Variants in ACOT13 observed in about 807,000 individuals in gnomAD.
ACOT13 encodes the protein acyl-coenzyme A thioesterase 13.
In ACOT13, 10 loss-of-function variants were observed where a neutral mutation model predicts 11.8. The ratio of observed to expected loss-of-function variants is 0.85; its 90% CI spans 0.53 to 1.44. ACOT13 has a LOEUF of 1.44. Ranked by LOEUF, ACOT13 falls within the 40% of genes most tolerant of loss-of-function variation. The pLI is 0.00. For synonymous variants in ACOT13, 53 were observed against 61.0 expected (o/e 0.87, Z 0.61); for missense variants, 172 against 174.1 (o/e 0.99, Z 0.07).
chr6:24,668,388 ATTCT>A (rs1260144146), intron 1 of ACOT13, among the ~76,000 whole-genome samples: 8 of 151,934 alleles, frequency 5.3e-5, no homozygotes, highest in Non-Finnish European at 4.4e-5. Context: ...AGCCTGGCTA[ATTCT>A]TTATTTTTAT....
At chr6:24,697,053 C>T (rs949494198) in intron 1 of ACOT13, among the ~76,000 whole-genome samples, 10 of 152,194 alleles carry the variant, frequency 6.6e-5, no homozygotes, top group African/African-American at 1.4e-4. Context: ...GGATTACAGG[C>T]GTGAGCCACC....
In ACOT13 at chr6:24,690,234, A is replaced by G. The variant is rs760407877; in HGVS notation, c.82-7649A>G. ...CTGGGAACTACCGTACTAGATTCCA[A>G]ACTGAAGCTCAATTGCAAAAATTCT... On this transcript the variant is annotated intron_variant, in intron 1 of 2. Coordinates refer to ENST00000230048, the MANE Select transcript of ACOT13 (RefSeq NM_018473.4). 1.6e-4 allele frequency among the ~76,000 whole-genome samples: 24 copies of G among 152,172 alleles called. 1 individual carries two copies. Among genetic ancestry groups the G allele is most frequent in the East Asian group, 3.8e-4 (2 of 5,198 alleles).
intron 1 of ACOT13, among the ~76,000 whole-genome samples, chr6:24,672,170 C>A (rs1280254056): frequency 6.6e-6 from 1 of 152,146 alleles, no homozygotes; most frequent in Admixed American, 6.5e-5. Flanking sequence ...TAAAATAAAT[C>A]ATTCATTTAA....
At chr6:24,668,553 C>T (rs187795586) in intron 1 of ACOT13, among the ~76,000 whole-genome samples, 3 of 152,330 alleles carry the variant, frequency 2.0e-5, no homozygotes, top group East Asian at 1.9e-4. Context: ...TGAAAGGACA[C>T]TCCTGTGTTT....
intron 1 of ACOT13, among the ~76,000 whole-genome samples, chr6:24,684,539 T>C (rs919145825): frequency 1.2e-4 from 19 of 152,202 alleles, no homozygotes; most frequent in Admixed American, 5.2e-4. Flanking sequence ...AAGACTGATA[T>C]GCCCGTTGAA....
chr6:24,689,694 C>G (rs536093496), intron 1 of ACOT13, among the ~76,000 whole-genome samples: 6 of 152,112 alleles, frequency 3.9e-5, no homozygotes, highest in African/African-American at 1.4e-4. Context: ...AATTGTACTT[C>G]TATGCTGCTT....
chr6:24,681,700 A>G (rs1254921416), intron 1 of ACOT13, among the ~76,000 whole-genome samples: 2 of 151,584 alleles, frequency 1.3e-5, no homozygotes, highest in Non-Finnish European at 2.9e-5. Context: ...CAGGGATAAG[A>G]CTCCCTGGGT....
intron 1 of ACOT13, among the ~76,000 whole-genome samples, chr6:24,669,340 T>C (rs1778321381): frequency 6.6e-6 from 1 of 152,006 alleles, no homozygotes; most frequent in African/African-American, 2.4e-5. Context: ...AGGTCACGGG[T>C]AGGTGGGAGA....
At chr6:24,699,660 A>G (rs1366306929) in intron 2 of ACOT13, among the ~76,000 whole-genome samples, 1 of 152,268 alleles carries the variant, frequency 6.6e-6, no homozygotes, top group Non-Finnish European at 1.5e-5. Context: ...TGTACAGAAA[A>G]GAAAGGCTCT....
Position 24,702,217 on chromosome 6 carries a change from T to G in ACOT13, c.*602T>G, listed in dbSNP as rs1330674892. ...TCTCTGCCCCCTGGGTTCAAGTGAT[T>G]CTCCTGCCTCAGCCTCCCAAGTAGC... On this transcript the variant is annotated 3_prime_UTR_variant, in exon 3 of 3. Transcript: ENST00000230048. 6.6e-6 allele frequency: 1 copy of G among 152,526 alleles called. No homozygotes were observed. The highest frequency in any genetic ancestry group is 1.5e-5 in the Non-Finnish European group (1 of 68,318). The allele number at this position is 152,526 out of a possible 1,614,324, so 9.4% of individuals were successfully genotyped here.
chr6:24,680,944 T>C (rs1778538406), intron 1 of ACOT13, among the ~76,000 whole-genome samples: 1 of 152,242 alleles, frequency 6.6e-6, no homozygotes, highest in South Asian at 2.1e-4. Context: ...TCTGTATTAA[T>C]TACTGAATAC....
At position 24,702,244 on chromosome 6, in the gene ACOT13, G is replaced by C. The variant is rs1441393199; in HGVS notation, c.*629G>C. ...TCCTGCCTCAGCCTCCCAAGTAGCT[G>C]GGACTATAGGCATGTGCCATCACAC... is the stretch of plus-strand genomic sequence containing the variant. On this transcript the variant is annotated 3_prime_UTR_variant, in exon 3 of 3. Transcript: ENST00000230048. The C allele has an allele frequency of 6.6e-6, 1 of 152,434 alleles. No homozygotes were observed. Among genetic ancestry groups the C allele is most frequent in the Non-Finnish European group, 1.5e-5 (1 of 68,248 alleles). The allele number at this position is 152,434 out of a possible 1,614,324, so 9.4% of individuals were successfully genotyped here.
intron 1 of ACOT13, among the ~76,000 whole-genome samples, chr6:24,674,121 G>A (rs746182763): frequency 1.1e-4 from 16 of 152,078 alleles, no homozygotes; most frequent in African/African-American, 3.6e-4. Context: ...GAAGGCAATG[G>A]CCCGATCTTG....
chr6:24,675,086 A>C (rs928195336), intron 1 of ACOT13, among the ~76,000 whole-genome samples: 36 of 152,226 alleles, frequency 2.4e-4, no homozygotes, highest in Middle Eastern at 3.4e-3. Context: ...GCTGCATAGT[A>C]TTCCATGGTA....
rs139273737 is a variant in ACOT13, at chr6:24,668,206, C to A, written c.81+862C>A. ...TACTGGTGTGAGCCGCCACGCCAGACCTTGAAGGTGTTTGTTGTTGTTGTT... is the reference window on the plus strand; with the variant it reads ...TACTGGTGTGAGCCGCCACGCCAGAACTTGAAGGTGTTTGTTGTTGTTGTT... On this transcript the variant is annotated intron_variant, in intron 1 of 2. Transcript: ENST00000230048. Among the ~76,000 whole-genome samples, 23 of 151,662 alleles carry A rather than the reference C, an allele frequency of 1.5e-4. No individual in the cohort carries two copies. In the East Asian group the frequency reaches 4.5e-3, roughly 30 times the overall value.
At chr6:24,697,747 A>C in intron 1 of ACOT13, 136 bp from the exon 2 acceptor site, 1 of 647,568 alleles carries the variant, frequency 1.5e-6, no homozygotes, top group Non-Finnish European at 2.5e-6. Context: ...AATTTCTATC[A>C]GAGATTGGCA....
intron 1 of ACOT13, among the ~76,000 whole-genome samples, chr6:24,670,866 T>C (rs1465787133): frequency 1.3e-5 from 2 of 152,184 alleles, no homozygotes; most frequent in Non-Finnish European, 2.9e-5. Context: ...TTGATATTCA[T>C]GAGCATTTTA....
intron 1 of ACOT13, among the ~76,000 whole-genome samples, chr6:24,681,245 A>G (rs1281147700): frequency 6.6e-6 from 1 of 152,206 alleles, no homozygotes; most frequent in Non-Finnish European, 1.5e-5. Flanking sequence ...TTTCCTCTAA[A>G]AGTTACTTTT....
rs1480460859 is a variant in ACOT13 at position 24,703,675 on chromosome 6, G to A, written c.*2060G>A. The A allele has an allele frequency of 6.6e-6, 1 of 152,160 alleles. No homozygotes were observed. The highest frequency in any genetic ancestry group is 1.5e-5 in the Non-Finnish European group (1 of 68,028). 9.4% of individuals were successfully genotyped at this position (152,160 alleles called of 1,614,324 possible). A position where few individuals can be genotyped will look rare whatever the true frequency, so the allele number is the denominator to read the frequency against. ...TTGTAACCATCATAGTTAAAGACTGGTTTGGGTTTTAGTCTGGAAAGAATC... is the reference window on the plus strand; with the variant it reads ...TTGTAACCATCATAGTTAAAGACTGATTTGGGTTTTAGTCTGGAAAGAATC... On this transcript the variant is annotated 3_prime_UTR_variant, in exon 3 of 3. Transcript: ENST00000230048.
Sources: gnomAD v4.1 joint callset for allele counts (sites outside exome capture counted in the v4.1 genomes callset) on GRCh38, gnomAD v4.1.1 for gene constraint, MANE v1.5 for transcripts, NCBI Gene and HGNC (gene_info 2026-07-23, HGNC 2026-07-21) for gene names.